Variants in CTTNBP2 observed in about 807,000 individuals in gnomAD.
CTTNBP2 encodes the protein cortactin-binding protein 2.
In CTTNBP2, 108 loss-of-function variants were observed where a neutral mutation model predicts 156.9. The ratio of observed to expected loss-of-function variants is 0.69; its 90% CI spans 0.59 to 0.81. The LOEUF (loss-of-function observed/expected upper bound fraction) is 0.81, where lower values mean the gene tolerates loss of function less well. Ranked by LOEUF, CTTNBP2 falls within the 30% of genes least tolerant of loss-of-function variation. CTTNBP2 has a pLI of 0.00. For missense variants in CTTNBP2, 1,924 were observed against 2,035.4 expected (o/e 0.95, Z 1.05); for synonymous variants, 767 against 751.8 (o/e 1.02, Z -0.33).
intron 8 of CTTNBP2, among the ~76,000 whole-genome samples, chr7:117,775,364 G>A (rs1292272268): frequency 6.6e-6 from 1 of 151,848 alleles, no homozygotes; most frequent in East Asian, 1.9e-4. Flanking sequence ...CCAGAGGTGT[G>A]GAAATCAATG....
At chr7:117,789,057 T>C (rs767213530) in intron 4 of CTTNBP2, among the ~76,000 whole-genome samples, 4 of 152,200 alleles carry the variant, frequency 2.6e-5, no homozygotes, top group African/African-American at 4.8e-5. Flanking sequence ...AGAGGAGTTA[T>C]AGCTCTTTTA....
At chr7:117,861,836 A>G (rs945032019) in intron 1 of CTTNBP2, among the ~76,000 whole-genome samples, 5 of 152,108 alleles carry the variant, frequency 3.3e-5, no homozygotes, top group African/African-American at 1.2e-4. Context: ...CGGGTCACAA[A>G]GTGGGTTTGT....
chr7:117,772,563 A>C (rs1216531824), intron 8 of CTTNBP2, among the ~76,000 whole-genome samples: 1 of 152,182 alleles, frequency 6.6e-6, no homozygotes, highest in African/African-American at 2.4e-5. Context: ...ACTGGAACAC[A>C]TTAGAGAGTA....
At position 117,724,703 on chromosome 7, in the gene CTTNBP2, C is replaced by G. The variant is rs1426761728; in HGVS notation, c.4291G>C (p.Gly1431Arg). The change falls in exon 19 of 23, where the codon GGA (glycine) becomes CGA (arginine). Residue 1431 changes from glycine (G) to arginine (R), a missense_variant. Coordinates refer to ENST00000160373, the MANE Select transcript of CTTNBP2 (RefSeq NM_033427.3). Reference protein sequence around the residue: ...ELDQHTADFKGGSFPLSIVSS... With the variant: ...ELDQHTADFKRGSFPLSIVSS... ...ACTATGGATAAAGGGAAACTTCCTC[C>G]TTTGAAATCAGCTGTATGCTGGTCT... The G allele has an allele frequency of 1.1e-5, 17 of 1,614,050 alleles. No individual in the cohort carries two copies. Among genetic ancestry groups the G allele is most frequent in the Non-Finnish European group, 1.4e-5 (16 of 1,180,028 alleles).
In CTTNBP2 at chr7:117,714,448, T is replaced by TAGTTGCTATACAGAATCTGGTGGTGAG. The variant is rs1794231277; in HGVS notation, c.4747-2693_4747-2667dup. Among the ~76,000 whole-genome samples, 4 of 152,142 alleles carry TAGTTGCTATACAGAATCTGGTGGTGAG rather than the reference T, an allele frequency of 2.6e-5. No homozygotes were observed. The South Asian group carries it at 8.3e-4, about 32-fold the overall frequency. On this transcript the variant is annotated intron_variant, in intron 22 of 22. Coordinates refer to ENST00000160373, the MANE Select transcript of CTTNBP2 (RefSeq NM_033427.3). Reference sequence around the variant, plus strand: ...ATGGCATTATAATAAGGATAACAGTTAGTTGCTATACAGAATCTGGTGGTG... The same window carrying TAGTTGCTATACAGAATCTGGTGGTGAG: ...ATGGCATTATAATAAGGATAACAGTTAGTTGCTATACAGAATCTGGTGGTGAGAGTTGCTATACAGAATCTGGTGGTG...
intron 8 of CTTNBP2, among the ~76,000 whole-genome samples, chr7:117,773,276 G>A (rs1252311469): frequency 1.3e-5 from 2 of 152,178 alleles, no homozygotes; most frequent in African/African-American, 2.4e-5. Flanking sequence ...GCGTCATGTG[G>A]ACCTTTGCAC....
chr7:117,771,863 A>T (rs1797813917), intron 8 of CTTNBP2, among the ~76,000 whole-genome samples: 1 of 152,210 alleles, frequency 6.6e-6, no homozygotes. Flanking sequence ...TAACTCCAAG[A>T]AGCCAAGACA....
At chr7:117,715,991 C>CAAGAGCTAGATGA (rs1449738839) in intron 22 of CTTNBP2, 1 of 152,102 alleles carries the variant, frequency 6.6e-6, no homozygotes, top group Admixed American at 6.5e-5. Context: ...ACTTTGCCCT[C>CAAGAGCTAGATGA]TGCTGGCACT....
chr7:117,790,608 A>AAC (rs1798939927), intron 4 of CTTNBP2, among the ~76,000 whole-genome samples: 1 of 152,154 alleles, frequency 6.6e-6, no homozygotes, highest in African/African-American at 2.4e-5. Context: ...TAAAAAAAAA[A>AAC]AAAACCGAAA....
intron 2 of CTTNBP2, among the ~76,000 whole-genome samples, chr7:117,822,616 G>T (rs1334329028): frequency 6.6e-6 from 1 of 152,088 alleles, no homozygotes; most frequent in Non-Finnish European, 1.5e-5. Flanking sequence ...TTTTGGTTTT[G>T]TCTTGGACAC....
intron 2 of CTTNBP2, among the ~76,000 whole-genome samples, chr7:117,846,322 T>TA (rs528147867): frequency 9.2e-5 from 14 of 152,054 alleles, no homozygotes; most frequent in East Asian, 5.8e-4. Flanking sequence ...AAATGCTTGA[T>TA]AAAAAAAATG....
At chr7:117,864,706 T>G (rs1218586884) in intron 1 of CTTNBP2, among the ~76,000 whole-genome samples, 3 of 123,102 alleles carry the variant, frequency 2.4e-5, no homozygotes, top group Admixed American at 8.4e-5. Context: ...ATTCATATAT[T>G]CATATATATT....
At chr7:117,723,181 T>C (rs185767389) in intron 19 of CTTNBP2, among the ~76,000 whole-genome samples, 1 of 152,256 alleles carries the variant, frequency 6.6e-6, no homozygotes. Flanking sequence ...TTTTTAAAAG[T>C]ATAAGAAAAT....
intron 2 of CTTNBP2, among the ~76,000 whole-genome samples, chr7:117,833,176 C>G (rs1310405785): frequency 2.6e-5 from 4 of 152,140 alleles, no homozygotes; most frequent in African/African-American, 9.7e-5. Flanking sequence ...CAGGAATCTG[C>G]TGAAATTATT....
At chr7:117,832,919 CTT>C (rs34157150) in intron 2 of CTTNBP2, among the ~76,000 whole-genome samples, 3 of 150,214 alleles carry the variant, frequency 2.0e-5, no homozygotes, top group African/African-American at 7.4e-5. Flanking sequence ...GCTTTTTTTT[CTT>C]TTTTTTTGTA....
chr7:117,734,947 A>C lies in CTTNBP2; in HGVS notation c.3842T>G (p.Leu1281Arg). Residue 1281 changes from leucine to arginine, a missense_variant, in exon 16 of 23, where the codon CTG becomes CGG. By Grantham distance (102) the Leu-to-Arg change is moderately radical. Coordinates refer to ENST00000160373, the MANE Select transcript of CTTNBP2 (RefSeq NM_033427.3). ...RWDGEPMQGL[L>R]QRFLRRKVVN... ...AACTTTCCTTCGTAAGAACCTCTGC[A>C]GCAGTCCTTGCATGGGCTCGCCATC... The C allele has an allele frequency of 6.2e-7, 1 of 1,611,480 alleles. No homozygotes were observed. The highest frequency in any genetic ancestry group is 8.5e-7 in the Non-Finnish European group (1 of 1,178,024).
chr7:117,750,813 T>C (rs1796582533), intron 12 of CTTNBP2, among the ~76,000 whole-genome samples: 1 of 152,328 alleles, frequency 6.6e-6, no homozygotes, highest in Admixed American at 6.5e-5. Flanking sequence ...TAAAGATAGA[T>C]ACGTAGGCAG....
chr7:117,763,561 T>C lies in CTTNBP2; in HGVS notation c.2897-2851A>G, dbSNP rs957474834. 5.0e-3 allele frequency among the ~76,000 whole-genome samples: 586 copies of C among 116,950 alleles called. 4 individuals are homozygous for C. The highest frequency in any genetic ancestry group is 0.023 in the African/African-American group (558 of 24,348). The allele number at this position is 116,950 out of a possible 152,430, so 76.7% of individuals were successfully genotyped here. On this transcript the variant is annotated intron_variant, in intron 9 of 22. Coordinates refer to ENST00000160373, the MANE Select transcript of CTTNBP2 (RefSeq NM_033427.3). ...TTTTCTTTTTCTTCTTCTTCTTTTT[T>C]TTTTTTTTTTTTTTTTTGAGACAGG...
chr7:117,851,968 G>T (rs1412062779), intron 2 of CTTNBP2, among the ~76,000 whole-genome samples: 4 of 152,142 alleles, frequency 2.6e-5, no homozygotes, highest in African/African-American at 9.7e-5. Flanking sequence ...TTACTTAAAA[G>T]TTTGTCTTAA....
Sources: gnomAD v4.1 joint callset for allele counts (sites outside exome capture counted in the v4.1 genomes callset) on GRCh38, gnomAD v4.1.1 for gene constraint, MANE v1.5 for transcripts, NCBI Gene and HGNC (gene_info 2026-07-23, HGNC 2026-07-21) for gene names.